DSCAML1: variants seen among roughly 807,000 people sequenced by gnomAD.
The protein encoded by DSCAML1 is DS cell adhesion molecule like 1, also known as cell adhesion molecule DSCAML1.
DSCAML1 carries 38 observed loss-of-function variants against 200.5 expected under a neutral mutation model. The ratio of observed to expected loss-of-function variants is 0.19; its 90% CI spans 0.15 to 0.25. The LOEUF (loss-of-function observed/expected upper bound fraction) is 0.25. Among genes scored for constraint, DSCAML1 ranks in the 10% least tolerant of loss-of-function variants. DSCAML1 has a pLI of 1.00. For synonymous variants in DSCAML1, 1,215 were observed against 1,165.0 expected, an observed-to-expected ratio of 1.04 and a Z score of -0.87; for missense variants, 2,223 against 2,858.8, an observed-to-expected ratio of 0.78 and a Z score of 5.07.
chr11:117,465,105 G>A lies in DSCAML1; in HGVS notation c.3102C>T (p.Asn1034=), dbSNP rs375180039. 2.9e-5 allele frequency: 47 copies of A among 1,614,016 alleles called. No individual in the cohort carries two copies. The highest frequency in any genetic ancestry group is 1.2e-4 in the African/African-American group (9 of 74,904). Residue 1034 remains asparagine (N), a synonymous_variant, in exon 17 of 33, where the codon AAC becomes AAT. Transcript: ENST00000651296. ...IGYRENSPGS[N]GQYSIVEMKA... is the part of the protein sequence containing the mutation. ...TCATCTCCACGATGCTGTACTGCCC[G>A]TTGCTGCCGGGGCTGTTCTCTCTGT...
intron 3 of DSCAML1, among the ~76,000 whole-genome samples, chr11:117,744,881 GC>G (rs2054488896): frequency 6.6e-6 from 1 of 152,222 alleles, no homozygotes; most frequent in African/African-American, 2.4e-5. Flanking sequence ...ATGTACAGGG[GC>G]CCCAACCTTC....
intron 3 of DSCAML1, among the ~76,000 whole-genome samples, chr11:117,775,712 C>T (rs1281898281): frequency 6.6e-6 from 1 of 152,076 alleles, no homozygotes; most frequent in Non-Finnish European, 1.5e-5. Context: ...AGGCTCTACT[C>T]CTGGGAGAGT....
chr11:117,625,495 C>T lies in DSCAML1; in HGVS notation c.512-92973G>A, dbSNP rs1441562461. 2.6e-5 allele frequency among the ~76,000 whole-genome samples: 4 copies of T among 152,126 alleles called. No homozygotes were observed. The East Asian group carries it at 7.7e-4, about 29-fold the overall frequency. On this transcript the variant is annotated intron_variant, in intron 3 of 32. Coordinates refer to ENST00000651296, the MANE Select transcript of DSCAML1 (RefSeq NM_020693.4). The stretch of plus-strand genomic sequence containing the variant: ...TGTGAACATATTCAAGCTAGAGGGG[C>T]CCCCTCATTTTAGAAAGGAGGAAAC...
At chr11:117,477,611 G>A (rs60151862) in intron 14 of DSCAML1, among the ~76,000 whole-genome samples, 1 of 152,144 alleles carries the variant, frequency 6.6e-6, no homozygotes, top group Non-Finnish European at 1.5e-5. Flanking sequence ...ATTTGAGTTA[G>A]AAGAGACAGA....
chr11:117,448,438 G>A (rs929258867), intron 20 of DSCAML1, among the ~76,000 whole-genome samples: 18 of 152,180 alleles, frequency 1.2e-4, no homozygotes, highest in African/African-American at 3.1e-4. Flanking sequence ...CCCTGTCCTC[G>A]TGGGGGCCTC....
At chr11:117,551,081 C>T (rs1565783058) in intron 3 of DSCAML1, among the ~76,000 whole-genome samples, 1 of 152,198 alleles carries the variant, frequency 6.6e-6, no homozygotes, top group Non-Finnish European at 1.5e-5. Flanking sequence ...AGGATTCACC[C>T]TACACGTTGC....
At chr11:117,465,294 C>T in intron 16 of DSCAML1, 112 bp from the exon 17 acceptor site, 1 of 1,428,330 alleles carries the variant, frequency 7.0e-7, no homozygotes, top group Non-Finnish European at 9.4e-7. Flanking sequence ...TCAAAGGCTC[C>T]CATCTCACTC....
intron 3 of DSCAML1, among the ~76,000 whole-genome samples, chr11:117,659,434 A>T (rs1043219770): frequency 3.3e-5 from 5 of 152,280 alleles, no homozygotes; most frequent in Non-Finnish European, 7.3e-5. Flanking sequence ...TATAGTTAAC[A>T]GTAAAGTCAG....
rs192759228 is a variant in DSCAML1 at position 117,578,471 on chromosome 11, G to A, written c.512-45949C>T. 1.8e-3 allele frequency among the ~76,000 whole-genome samples: 272 copies of A among 152,068 alleles called. 7 individuals carry two copies. Among genetic ancestry groups the A allele is most frequent in the Admixed American group, 0.016 (246 of 15,272 alleles). ...GGATCACTTGAGGCCAGAAGTTCAA[G>A]ACCAGTCTCGCCAACAGAGCAAGAC... On this transcript the variant is annotated intron_variant, in intron 3 of 32. Transcript: ENST00000651296.
chr11:117,790,018 G>T (rs1035126296), intron 1 of DSCAML1, among the ~76,000 whole-genome samples: 1 of 152,178 alleles, frequency 6.6e-6, no homozygotes, highest in Non-Finnish European at 1.5e-5. Context: ...TTTTACCCAA[G>T]GTGATCACCT....
chr11:117,428,450 C>A lies in DSCAML1; in HGVS notation c.6040G>T (p.Gly2014Trp). 1 of 1,531,628 alleles carries A rather than the reference C, an allele frequency of 6.5e-7. No individual in the cohort carries two copies. The highest frequency in any genetic ancestry group is 1.8e-4 in the Middle Eastern group (1 of 5,572). The allele number at this position is 1,531,628 out of a possible 1,614,324, so 94.9% of individuals were successfully genotyped here. ...CCCCCCATTTTGGTGTGTGGGCCCC[C>A]GGCTCGTGGAGGCTCGGTGCTGGGG... ...PAPSTEPPRA[G>W]GPHTKMGGSR... The change falls in exon 33 of 33, where the codon GGG becomes TGG. Residue 2014 changes from glycine (G) to tryptophan (W), a missense_variant. Transcript: ENST00000651296.
intron 3 of DSCAML1, among the ~76,000 whole-genome samples, chr11:117,735,384 G>A (rs1565901825): frequency 6.6e-6 from 1 of 152,162 alleles, no homozygotes; most frequent in African/African-American, 2.4e-5. Flanking sequence ...TCATTTTACA[G>A]ATGAGAAAAC....
At chr11:117,563,349 G>C (rs985826360) in intron 3 of DSCAML1, among the ~76,000 whole-genome samples, 1 of 152,206 alleles carries the variant, frequency 6.6e-6, no homozygotes, top group African/African-American at 2.4e-5. Flanking sequence ...GGTCAGCTCA[G>C]CTTGGCCCTC....
intron 3 of DSCAML1, among the ~76,000 whole-genome samples, chr11:117,615,566 A>G (rs536707200): frequency 2.6e-5 from 4 of 152,186 alleles, no homozygotes; most frequent in African/African-American, 9.6e-5. Context: ...AGGGAGAGGT[A>G]CAGGCAGGTC....
chr11:117,439,551 T>C, intron 22 of DSCAML1, 122 bp from the exon 23 acceptor site: 1 of 1,308,408 alleles, frequency 7.6e-7, no homozygotes, highest in Non-Finnish European at 1.0e-6. Flanking sequence ...GAACGCCGGG[T>C]TCTTGGGGCT....
At chr11:117,563,914 C>T (rs4938408) in intron 3 of DSCAML1, among the ~76,000 whole-genome samples, 1 of 152,106 alleles carries the variant, frequency 6.6e-6, no homozygotes, top group Admixed American at 6.5e-5. Flanking sequence ...ACTCTGTGGG[C>T]TTCTCTGCAT....
At chr11:117,698,877 GAGA>G (rs1476182185) in intron 3 of DSCAML1, among the ~76,000 whole-genome samples, 1 of 152,296 alleles carries the variant, frequency 6.6e-6, no homozygotes, top group African/African-American at 2.4e-5. Context: ...TGCTCTGAGG[GAGA>G]AGAAGGTATT....
chr11:117,534,346 G>T (rs1388674851), intron 3 of DSCAML1, among the ~76,000 whole-genome samples: 4 of 152,198 alleles, frequency 2.6e-5, no homozygotes, highest in Non-Finnish European at 4.4e-5. Flanking sequence ...TTTGACAAAG[G>T]TTCATCAGCC....
intron 11 of DSCAML1, among the ~76,000 whole-genome samples, chr11:117,485,329 A>G (rs2049024260): frequency 6.6e-6 from 1 of 152,218 alleles, no homozygotes; most frequent in African/African-American, 2.4e-5. Context: ...GGTAACAACC[A>G]TACCTGGAGC....
Sources: gnomAD v4.1 joint callset for allele counts (sites outside exome capture counted in the v4.1 genomes callset) on GRCh38, gnomAD v4.1.1 for gene constraint, MANE v1.5 for transcripts, NCBI Gene and HGNC (gene_info 2026-07-23, HGNC 2026-07-21) for gene names.